FAM53B: variants seen among roughly 807,000 people sequenced by gnomAD.
The protein encoded by FAM53B is family with sequence similarity 53 member B, also known as protein FAM53B.
A neutral mutation model predicts 32.7 loss-of-function variants in FAM53B; 12 were observed. The ratio of observed to expected loss-of-function variants is 0.37; its 90% confidence interval spans 0.24 to 0.59. The LOEUF (loss-of-function observed/expected upper bound fraction) is 0.59, where lower values mean the gene tolerates loss of function less well. Ranked by LOEUF, FAM53B falls within the 20% of genes least tolerant of loss-of-function variation. The pLI is 0.72. For synonymous variants in FAM53B, 234 were observed against 228.7 expected (o/e 1.02, Z -0.21); for missense variants, 477 against 577.7 (o/e 0.83, Z 1.79).
At chr10:124,692,156 T>G (rs994902884) in intron 3 of FAM53B, among the ~76,000 whole-genome samples, 1 of 152,200 alleles carries the variant, frequency 6.6e-6, no homozygotes, top group African/African-American at 2.4e-5. Flanking sequence ...AGGAGCCCTG[T>G]GGTGGCGGCT....
intron 4 of FAM53B, among the ~76,000 whole-genome samples, chr10:124,673,266 C>T (rs1002884104): frequency 3.3e-5 from 5 of 152,112 alleles, no homozygotes; most frequent in Non-Finnish European, 7.4e-5. Context: ...TTAAGGGGTG[C>T]TATTGCTCCC....
intron 3 of FAM53B, among the ~76,000 whole-genome samples, chr10:124,687,216 C>T (rs560117231): frequency 2.0e-5 from 3 of 152,314 alleles, no homozygotes; most frequent in East Asian, 1.9e-4. Context: ...CTGCCCCAAG[C>T]GCTAGGCCCT....
rs768640779 is a variant in FAM53B at position 124,623,450 on chromosome 10, G to A, written c.1061C>T (p.Pro354Leu). ...GPGGRTPAGT[P>L]VPEPLPPSFD... ...GGAAGGGGGAAGAGGCTCAGGGACCGGGGTCCCAGCGGGGGTCCTGCCCCC... is the reference window on the plus strand; with the variant it reads ...GGAAGGGGGAAGAGGCTCAGGGACCAGGGTCCCAGCGGGGGTCCTGCCCCC... Residue 354 changes from proline (P) to leucine (L), a missense_variant, in exon 5 of 5, where the codon CCG (proline) becomes CTG (leucine). Pro to Leu is a moderately conservative substitution (Grantham distance 98). Around this residue, in one of 2 missense-constraint regions of FAM53B, gnomAD observed 165 missense variants for 157.5 expected, o/e 1.05. Transcript: ENST00000337318. 3.6e-5 allele frequency: 57 copies of A among 1,592,150 alleles called. No homozygotes were observed. The highest frequency in any genetic ancestry group is 1.7e-4 in the Middle Eastern group (1 of 6,048).
At chr10:124,628,266 G>A (rs1949368408) in intron 4 of FAM53B, among the ~76,000 whole-genome samples, 2 of 152,204 alleles carry the variant, frequency 1.3e-5, no homozygotes, top group Admixed American at 6.5e-5. Flanking sequence ...TAGAACTCAT[G>A]AGCTACGGCC....
chr10:124,720,177 A>C (rs1950060719), intron 1 of FAM53B, among the ~76,000 whole-genome samples: 1 of 151,918 alleles, frequency 6.6e-6, no homozygotes, highest in South Asian at 2.1e-4. Context: ...AAAAAAAAAA[A>C]AACAAACAAA....
intron 4 of FAM53B, among the ~76,000 whole-genome samples, chr10:124,673,414 G>A (rs528137157): frequency 7.2e-4 from 110 of 152,250 alleles, no homozygotes; most frequent in African/African-American, 2.5e-3. Flanking sequence ...AACTTGCCTC[G>A]GAAACGTTCA....
At chr10:124,696,474 A>G (rs575697509) in intron 2 of FAM53B, among the ~76,000 whole-genome samples, 5 of 152,326 alleles carry the variant, frequency 3.3e-5, no homozygotes, top group African/African-American at 1.2e-4. Context: ...ACGACTTCTG[A>G]CACGAGGGGA....
intron 1 of FAM53B, among the ~76,000 whole-genome samples, chr10:124,728,597 G>A (rs1406098189): frequency 6.6e-6 from 1 of 152,172 alleles, no homozygotes; most frequent in Non-Finnish European, 1.5e-5. Flanking sequence ...CCTCAATCAC[G>A]ACTACCGCAC....
intron 4 of FAM53B, among the ~76,000 whole-genome samples, chr10:124,645,264 A>G (rs189221525): frequency 3.0e-4 from 46 of 152,374 alleles, no homozygotes; most frequent in South Asian, 1.7e-3. Context: ...CTCTTCCTCA[A>G]CACAGTAACT....
intron 3 of FAM53B, among the ~76,000 whole-genome samples, chr10:124,684,873 C>G (rs1949793042): frequency 6.6e-6 from 1 of 152,062 alleles, no homozygotes; most frequent in Admixed American, 6.5e-5. Flanking sequence ...ACAACTATCC[C>G]AGTTATCTGA....
chr10:124,669,799 T>A (rs1241128302), intron 4 of FAM53B, among the ~76,000 whole-genome samples: 2 of 151,976 alleles, frequency 1.3e-5, no homozygotes, highest in Non-Finnish European at 2.9e-5. Flanking sequence ...AGCCAGCAAG[T>A]ACATGGCCTC....
At chr10:124,687,926 T>C (rs1427903992) in intron 3 of FAM53B, among the ~76,000 whole-genome samples, 4 of 152,176 alleles carry the variant, frequency 2.6e-5, no homozygotes, top group Non-Finnish European at 5.9e-5. Context: ...GGGTTGACAA[T>C]TCTGGTCTCT....
At chr10:124,633,537 T>C (rs541433490) in intron 4 of FAM53B, among the ~76,000 whole-genome samples, 3 of 152,342 alleles carry the variant, frequency 2.0e-5, no homozygotes, top group Non-Finnish European at 4.4e-5. Flanking sequence ...GCCCGTACCA[T>C]ATAATATGCC....
At chr10:124,723,887 A>G (rs1305062522) in intron 1 of FAM53B, among the ~76,000 whole-genome samples, 3 of 152,262 alleles carry the variant, frequency 2.0e-5, no homozygotes, top group Admixed American at 2.0e-4. Context: ...AAGTATTTCT[A>G]GGTGACTGTA....
At chr10:124,718,351 T>C (rs1268422719) in intron 1 of FAM53B, among the ~76,000 whole-genome samples, 1 of 152,120 alleles carries the variant, frequency 6.6e-6, no homozygotes, top group African/African-American at 2.4e-5. Context: ...GGGTCTGTTG[T>C]AGAAATTAAT....
Position 124,714,632 on chromosome 10 carries a change from G to A in FAM53B, c.-174-7745C>T, listed in dbSNP as rs953399665. Among the ~76,000 whole-genome samples, 8 of 152,058 alleles carry A rather than the reference G, an allele frequency of 5.3e-5. No individual in the cohort carries two copies. The East Asian group carries it at 9.7e-4, about 18-fold the overall frequency. ...GAATTAGCCGGGTGTGGTGGCGCAC[G>A]CCTGTAGTCCCAGCTACTCGGGAGG... On this transcript the variant is annotated intron_variant, in intron 1 of 4. Transcript: ENST00000337318.
intron 4 of FAM53B, among the ~76,000 whole-genome samples, chr10:124,658,771 T>C (rs1949611602): frequency 6.6e-6 from 1 of 152,206 alleles, no homozygotes; most frequent in African/African-American, 2.4e-5. Flanking sequence ...AGCCTGGGGA[T>C]GGAACACCAA....
chr10:124,731,469 C>T (rs1423180043), intron 1 of FAM53B, among the ~76,000 whole-genome samples: 2 of 152,184 alleles, frequency 1.3e-5, no homozygotes, highest in Non-Finnish European at 2.9e-5. Flanking sequence ...TTCTAACTGA[C>T]ATCAGCCCTA....
chr10:124,734,582 A>G (rs1343425067), intron 1 of FAM53B, among the ~76,000 whole-genome samples: 1 of 152,164 alleles, frequency 6.6e-6, no homozygotes, highest in Non-Finnish European at 1.5e-5. Context: ...AAGGCCACCC[A>G]TGCCCAGCCA....
Sources: gnomAD v4.1 joint callset for allele counts (sites outside exome capture counted in the v4.1 genomes callset) on GRCh38, gnomAD v4.1.1 for gene constraint, gnomAD v4.1.1 regional missense constraint, MANE v1.5 for transcripts, NCBI Gene and HGNC (gene_info 2026-07-23, HGNC 2026-07-21) for gene names.